Variants in ENTREP2 observed in about 807,000 individuals in gnomAD.
ENTREP2 encodes protein ENTREP2.
the ENTREP2 span, among the ~76,000 whole-genome samples, chr15:29,670,439 C>T: frequency 6.6e-6 from 1 of 152,120 alleles, no homozygotes; most frequent in Non-Finnish European, 1.5e-5. Flanking sequence ...TGTTTCAGGC[C>T]TTTCGAGGAC....
At chr15:29,136,671 T>G in the ENTREP2 span, among the ~76,000 whole-genome samples, 6 of 151,890 alleles carry the variant, frequency 4.0e-5, no homozygotes, top group Non-Finnish European at 8.8e-5. Flanking sequence ...TTTGTTTTTT[T>G]TTTTTTTCTG....
the ENTREP2 span, among the ~76,000 whole-genome samples, chr15:29,558,572 T>A: frequency 7.1e-6 from 1 of 141,048 alleles, no homozygotes; most frequent in Admixed American, 7.3e-5. Flanking sequence ...CAATCTCCAA[T>A]CTACGGCTGA....
chr15:29,120,229 C>T, the ENTREP2 span: 1 of 152,254 alleles, frequency 6.6e-6, no homozygotes. Context: ...GCCTCTGTCC[C>T]AGTTAGACCT....
At chr15:29,376,187 G>A in the ENTREP2 span, 4 of 152,020 alleles carry the variant, frequency 2.6e-5, no homozygotes, top group East Asian at 7.7e-4. Context: ...TTTCTCAACA[G>A]TATTAGTTAT....
At chr15:29,533,601 G>A in the ENTREP2 span, among the ~76,000 whole-genome samples, 1 of 152,054 alleles carries the variant, frequency 6.6e-6, no homozygotes, top group Non-Finnish European at 1.5e-5. Flanking sequence ...TTTGGCAAAC[G>A]GTCCATGATG....
chr15:29,550,362 G>A, the ENTREP2 span, among the ~76,000 whole-genome samples: 1 of 152,152 alleles, frequency 6.6e-6, no homozygotes, highest in African/African-American at 2.4e-5. Flanking sequence ...CAGAGAAGCT[G>A]AAAAGGTCCT....
chr15:29,190,481 G>C, the ENTREP2 span, among the ~76,000 whole-genome samples: 1 of 152,104 alleles, frequency 6.6e-6, no homozygotes, highest in South Asian at 2.1e-4. Context: ...AGCAACATCT[G>C]CATGCTCTTC....
the ENTREP2 span, among the ~76,000 whole-genome samples, chr15:29,405,049 C>T: frequency 1.3e-5 from 2 of 152,198 alleles, no homozygotes; most frequent in African/African-American, 4.8e-5. Context: ...GCCTGGACTC[C>T]TGGTCACTTC....
At chr15:29,467,075 G>T in the ENTREP2 span, among the ~76,000 whole-genome samples, 4 of 151,136 alleles carry the variant, frequency 2.6e-5, no homozygotes, top group African/African-American at 9.7e-5. Context: ...GGATGCTGAT[G>T]GCCCCAGGGG....
chr15:29,179,127 A>G, the ENTREP2 span, among the ~76,000 whole-genome samples: 3 of 152,246 alleles, frequency 2.0e-5, no homozygotes, highest in Admixed American at 2.0e-4. Context: ...CATTGAATTT[A>G]CCCACAAACT....
chr15:29,653,107 G>C, the ENTREP2 span, among the ~76,000 whole-genome samples: 1 of 152,180 alleles, frequency 6.6e-6, no homozygotes, highest in African/African-American at 2.4e-5. Flanking sequence ...GGCCAACTGG[G>C]AGTCCATATC....
the ENTREP2 span, among the ~76,000 whole-genome samples, chr15:29,153,118 C>T: frequency 6.6e-6 from 1 of 151,050 alleles, no homozygotes; most frequent in Admixed American, 6.6e-5. Flanking sequence ...TGTTTTTTGC[C>T]CATTTTCTAA....
the ENTREP2 span, among the ~76,000 whole-genome samples, chr15:29,386,865 C>T: frequency 2.6e-5 from 4 of 152,334 alleles, no homozygotes; most frequent in South Asian, 6.2e-4. Flanking sequence ...TGAGACTTTG[C>T]TGAAGTTGCT....
chr15:29,616,094 C>A, the ENTREP2 span, among the ~76,000 whole-genome samples: 240 of 152,348 alleles, frequency 1.6e-3, no homozygotes, highest in African/African-American at 5.6e-3. Context: ...TGTTGCTAGA[C>A]AATGTACCCT....
At chr15:29,493,380 G>A in the ENTREP2 span, among the ~76,000 whole-genome samples, 4 of 151,474 alleles carry the variant, frequency 2.6e-5, no homozygotes, top group Admixed American at 6.6e-5. Flanking sequence ...TGATCCGCCC[G>A]CCTCGGCCTC....
the ENTREP2 span, among the ~76,000 whole-genome samples, chr15:29,237,828 A>G: frequency 6.6e-6 from 1 of 152,208 alleles, no homozygotes; most frequent in Non-Finnish European, 1.5e-5. Flanking sequence ...CGCAAAAGCA[A>G]TTGTGGTTTT....
At chr15:29,648,644 A>C in the ENTREP2 span, among the ~76,000 whole-genome samples, 13 of 152,322 alleles carry the variant, frequency 8.5e-5, no homozygotes, top group East Asian at 2.1e-3. Context: ...TGATTACATA[A>C]AACTGTATTA....
At chr15:29,137,086 G>A in the ENTREP2 span, 1 of 1,462,296 alleles carries the variant, frequency 6.8e-7, no homozygotes, top group South Asian at 1.5e-5. Context: ...TAATAGGGTG[G>A]AGGCGGGAGT....
the ENTREP2 span, among the ~76,000 whole-genome samples, chr15:29,651,129 T>C: frequency 6.6e-6 from 1 of 152,220 alleles, no homozygotes; most frequent in Admixed American, 6.5e-5. Context: ...ACTTACAGAT[T>C]GTAACCTTAT....
Sources: gnomAD v4.1 joint callset for allele counts (sites outside exome capture counted in the v4.1 genomes callset) on GRCh38, gnomAD v4.1.1 for gene constraint, MANE v1.5 for transcripts, NCBI Gene and HGNC (gene_info 2026-07-23, HGNC 2026-07-21) for gene names.